The following RB1 variants were observed in gnomAD, a reference collection of about 807,000 sequenced individuals.
RB1 encodes the protein retinoblastoma-associated protein.
In RB1, 18 loss-of-function variants were observed where a neutral mutation model predicts 135.4. That is an observed-to-expected ratio of 0.13 (90% CI 0.09 to 0.20). RB1 has a LOEUF of 0.20. RB1 is among the 10% of genes least tolerant of loss of function. RB1 has a pLI of 1.00. For missense variants in RB1, 868 were observed against 1,110.0 expected (o/e 0.78, Z 3.10); for synonymous variants, 365 against 373.2 (o/e 0.98, Z 0.25).
At chr13:48,317,338 C>T (rs1445536993) in intron 2 of RB1, 1 of 389,776 alleles carries the variant, frequency 2.6e-6, no homozygotes, top group Non-Finnish European at 4.6e-6. Flanking sequence ...TTTCCCGCTC[C>T]CGACGCCCCG....
At chr13:48,371,513 G>A (rs1204774423) in intron 11 of RB1, among the ~76,000 whole-genome samples, 4 of 152,128 alleles carry the variant, frequency 2.6e-5, no homozygotes, top group Admixed American at 2.6e-4. Flanking sequence ...CTGAACCAAC[G>A]ATAGTGGTGG....
At chr13:48,376,499 CAA>C (rs751662834) in intron 12 of RB1, among the ~76,000 whole-genome samples, 2,490 of 65,858 alleles carry the variant, frequency 0.038, 54 homozygotes, top group African/African-American at 0.1. Context: ...CACTTCATCT[CAA>C]AAAAAAAAAA....
intron 24 of RB1, chr13:48,476,299 C>T: frequency 4.8e-6 from 1 of 206,612 alleles, no homozygotes; most frequent in South Asian, 8.0e-5. Flanking sequence ...TGTGACCTTC[C>T]TTCTGGTTGT....
chr13:48,345,995 T>C (rs766504734), intron 4 of RB1, among the ~76,000 whole-genome samples: 7 of 151,622 alleles, frequency 4.6e-5, no homozygotes, highest in Non-Finnish European at 7.4e-5. Context: ...ACAACTGTGG[T>C]GGAGGATGAG....
At chr13:48,352,335 G>T (rs1386860377) in intron 6 of RB1, among the ~76,000 whole-genome samples, 1 of 151,348 alleles carries the variant, frequency 6.6e-6, no homozygotes, top group East Asian at 1.9e-4. Context: ...GGCTATTCAG[G>T]CTCTTTTTTG....
At position 48,330,000 on chromosome 13, in the gene RB1, T is replaced by G. The variant is rs151218535; in HGVS notation, c.265-12599T>G. Among the ~76,000 whole-genome samples, 782 of 151,680 alleles carry G rather than the reference T, an allele frequency of 5.2e-3. 8 individuals carry two copies. Among genetic ancestry groups the G allele is most frequent in the South Asian group, 0.023 (109 of 4,808 alleles). On this transcript the variant is annotated intron_variant, in intron 2 of 26. Coordinates refer to ENST00000267163, the MANE Select transcript of RB1 (RefSeq NM_000321.3). ...AGCATCTTTTCTCACCATAATGGCA[T>G]AAAACTAGCAAGCAAAAATAACAGG...
chr13:48,368,921 G>T (rs1248213347), intron 11 of RB1, among the ~76,000 whole-genome samples: 3 of 152,054 alleles, frequency 2.0e-5, no homozygotes, highest in African/African-American at 4.8e-5. Context: ...CAGGAGAATT[G>T]CTTGAACCCG....
At chr13:48,417,580 A>G (rs1295905807) in intron 17 of RB1, among the ~76,000 whole-genome samples, 1 of 151,586 alleles carries the variant, frequency 6.6e-6, no homozygotes, top group African/African-American at 2.4e-5. Flanking sequence ...AGAATAATAA[A>G]CTCCTCCAAG....
chr13:48,398,566 A>T (rs764912776), intron 17 of RB1, among the ~76,000 whole-genome samples: 73 of 151,952 alleles, frequency 4.8e-4, no homozygotes, highest in Non-Finnish European at 6.5e-4. Flanking sequence ...ATTTTAATAT[A>T]CTTCATTACA....
chr13:48,407,309 A>C (rs1019059606), intron 17 of RB1, among the ~76,000 whole-genome samples: 5 of 152,262 alleles, frequency 3.3e-5, no homozygotes, highest in African/African-American at 1.2e-4. Flanking sequence ...GAAAGAGGTA[A>C]TTTTCTACCC....
At chr13:48,347,231 G>A (rs573910906) in intron 4 of RB1, among the ~76,000 whole-genome samples, 57 of 152,174 alleles carry the variant, frequency 3.7e-4, no homozygotes, top group Admixed American at 7.2e-4. Context: ...GGCAATGTCC[G>A]AATAGGGTTT....
chr13:48,341,541 G>A (rs897028061), intron 2 of RB1, among the ~76,000 whole-genome samples: 2 of 151,972 alleles, frequency 1.3e-5, no homozygotes, highest in Non-Finnish European at 2.9e-5. Context: ...TGATGTTTAA[G>A]TGTTCCATTG....
intron 2 of RB1, chr13:48,328,652 G>A: frequency 1.9e-6 from 1 of 539,744 alleles, no homozygotes; most frequent in South Asian, 2.1e-5. Flanking sequence ...ATAGCTACAA[G>A]GTATTTCTTT....
At chr13:48,321,671 C>A (rs1033848722) in intron 2 of RB1, among the ~76,000 whole-genome samples, 10 of 152,106 alleles carry the variant, frequency 6.6e-5, no homozygotes, top group African/African-American at 2.4e-4. Context: ...GCCTGGCTAA[C>A]ATGGTGAAAC....
chr13:48,334,731 G>C (rs1327630089), intron 2 of RB1, among the ~76,000 whole-genome samples: 1 of 152,140 alleles, frequency 6.6e-6, no homozygotes, highest in Non-Finnish European at 1.5e-5. Flanking sequence ...ACTTGGTGGA[G>C]CTCTTTTATA....
chr13:48,423,633 G>A (rs1328617172), intron 17 of RB1, among the ~76,000 whole-genome samples: 1 of 152,076 alleles, frequency 6.6e-6, no homozygotes, highest in Non-Finnish European at 1.5e-5. Flanking sequence ...AAGTTTCGAA[G>A]GCCATAATTG....
chr13:48,447,774 T>G (rs185388395), intron 17 of RB1, among the ~76,000 whole-genome samples: 338 of 152,288 alleles, frequency 2.2e-3, no homozygotes, highest in Middle Eastern at 6.8e-3. Flanking sequence ...CTCATCATCA[T>G]AAACCAATAT....
intron 17 of RB1, among the ~76,000 whole-genome samples, chr13:48,448,190 A>C (rs1487988582): frequency 1.3e-5 from 2 of 152,222 alleles, no homozygotes; most frequent in African/African-American, 2.4e-5. Context: ...AGCTGGAATG[A>C]ATTTCCTAAG....
At chr13:48,351,038 A>G (rs942086841) in intron 6 of RB1, among the ~76,000 whole-genome samples, 6 of 152,140 alleles carry the variant, frequency 3.9e-5, no homozygotes, top group African/African-American at 1.4e-4. Context: ...GCTGCAGTGA[A>G]CATTCACGTG....
Sources: gnomAD v4.1 joint callset for allele counts (sites outside exome capture counted in the v4.1 genomes callset) on GRCh38, gnomAD v4.1.1 for gene constraint, MANE v1.5 for transcripts, NCBI Gene and HGNC (gene_info 2026-07-23, HGNC 2026-07-21) for gene names.